ZNF774: variants seen among roughly 807,000 people sequenced by gnomAD.
ZNF774 encodes the protein zinc finger protein 774.
In ZNF774, 14 loss-of-function variants were observed where a neutral mutation model predicts 11.1. The observed-to-expected ratio is 1.26, with a 90% CI of 0.83 to 1.97. The LOEUF is 1.97. Among genes scored for constraint, ZNF774 ranks in the 30% most tolerant of loss-of-function variants. ZNF774 has a pLI of 0.00. For missense variants in ZNF774, 599 were observed against 587.0 expected (o/e 1.02, Z -0.21); for synonymous variants, 195 against 212.6 (o/e 0.92, Z 0.72).
chr15:90,359,945 G>A (rs1964302046), intron 3 of ZNF774, 98 bp from the exon 4 acceptor site: 1 of 1,352,514 alleles, frequency 7.4e-7, no homozygotes, highest in East Asian at 2.3e-5. Flanking sequence ...AGTGCAGTCT[G>A]CTGCAGAAAC....
Position 90,361,138 on chromosome 15 carries a change from G to A in ZNF774, c.1307G>A (p.Cys436Tyr). ...LGDRPYRCPECGKTFNQRSHF... is the reference protein window; with the variant it reads ...LGDRPYRCPEYGKTFNQRSHF... ...GACAGGCCCTATCGATGTCCTGAGT[G>A]TGGCAAGACCTTCAATCAGCGTTCC... Residue 436 changes from cysteine (C) to tyrosine (Y), a missense_variant, in exon 4 of 4, where the codon TGT becomes TAT. Transcript: ENST00000354377. 1 of 1,611,084 alleles carries A rather than the reference G, an allele frequency of 6.2e-7. No homozygotes were observed. The highest frequency in any genetic ancestry group is 1.1e-5 in the South Asian group (1 of 91,080).
rs368002655 is a variant in ZNF774, at chr15:90,360,363, C to A, written c.532C>A (p.Pro178Thr). Residue 178 changes from proline (P) to threonine (T), a missense_variant, in exon 4 of 4, where the codon CCC (proline) becomes ACC (threonine). Pro to Thr is a conservative substitution (Grantham distance 38). Transcript: ENST00000354377. Reference sequence around the variant, plus strand: ...CCTAAGAACCCACACTGGCGAGAGGCCCTATACGTGCATTGAGTGTGGGAA... The same window carrying A: ...CCTAAGAACCCACACTGGCGAGAGGACCTATACGTGCATTGAGTGTGGGAA... ...RHLRTHTGER[P>T]YTCIECGKGF... 41 of 1,614,032 alleles carry A rather than the reference C, an allele frequency of 2.5e-5. No individual in the cohort carries two copies. The highest frequency in any genetic ancestry group is 3.2e-5 in the Non-Finnish European group (38 of 1,180,038).
At chr15:90,353,877 G>A (rs7177486) in intron 1 of ZNF774, among the ~76,000 whole-genome samples, 23,517 of 152,022 alleles carry the variant, frequency 0.15, 2,132 homozygotes, top group South Asian at 0.24. Context: ...CCTATGCCTG[G>A]CAACATATTA....
At position 90,360,257 on chromosome 15, in the gene ZNF774, C is replaced by G; in HGVS notation, c.426C>G (p.Leu142=). The G allele has an allele frequency of 6.2e-7, 1 of 1,614,184 alleles. No homozygotes were observed. The highest frequency in any genetic ancestry group is 8.5e-7 in the Non-Finnish European group (1 of 1,180,028). Residue 142 remains leucine, a synonymous_variant, in exon 4 of 4, where the codon CTC becomes CTG. Coordinates refer to ENST00000354377, the MANE Select transcript of ZNF774 (RefSeq NM_001004309.3). The part of the protein sequence containing the change: ...SFSQERDLNK[L]LDGYVGEKPM... ...CACAGGAGAGGGATTTAAACAAGCT[C>G]CTGGATGGATATGTAGGAGAGAAGC...
At chr15:90,359,746 C>T (rs937346869) in intron 3 of ZNF774, among the ~76,000 whole-genome samples, 4 of 152,232 alleles carry the variant, frequency 2.6e-5, no homozygotes, top group Admixed American at 6.5e-5. Context: ...TGAGCCACCA[C>T]GCCTGGCCTA....
rs1222209403 is a variant in ZNF774 at position 90,359,294 on chromosome 15, G to C, written c.211+337G>C. ...TCACCTTGTTAGCCAGGATGGTCTCGATCTCCTGACCTCATGATCCACCCG... is the reference window on the plus strand; with the variant it reads ...TCACCTTGTTAGCCAGGATGGTCTCCATCTCCTGACCTCATGATCCACCCG... On this transcript the variant is annotated intron_variant, in intron 3 of 3. Coordinates refer to ENST00000354377, the MANE Select transcript of ZNF774 (RefSeq NM_001004309.3). Among the ~76,000 whole-genome samples, 7 of 150,254 alleles carry C rather than the reference G, an allele frequency of 4.7e-5. No individual in the cohort carries two copies. The East Asian group carries it at 1.2e-3, about 26-fold the overall frequency.
chr15:90,358,302 G>A (rs775069254), intron 2 of ZNF774, among the ~76,000 whole-genome samples: 2 of 152,166 alleles, frequency 1.3e-5, no homozygotes, highest in Non-Finnish European at 2.9e-5. Flanking sequence ...TGTGACTCTT[G>A]AGTTTGCACT....
At chr15:90,352,638 G>A (rs922400101) in intron 1 of ZNF774, among the ~76,000 whole-genome samples, 2 of 152,072 alleles carry the variant, frequency 1.3e-5, no homozygotes, top group Non-Finnish European at 2.9e-5. Context: ...TGGTCCCAGG[G>A]TTTCAGCTGA....
Position 90,361,348 on chromosome 15 carries a change from C to G in ZNF774, c.*65C>G. The stretch of plus-strand genomic sequence containing the variant: ...TCATTGCTACTGTCTTCAAGCACCC[C>G]AAATAGAGAAAACCTGGGCGTCAGT... On this transcript the variant is annotated 3_prime_UTR_variant, in exon 4 of 4. Coordinates refer to ENST00000354377, the MANE Select transcript of ZNF774 (RefSeq NM_001004309.3). The G allele has an allele frequency of 6.6e-7, 1 of 1,512,896 alleles. No homozygotes were observed. Among genetic ancestry groups the G allele is most frequent in the Non-Finnish European group, 8.8e-7 (1 of 1,138,150 alleles). The allele number at this position is 1,512,896 out of a possible 1,614,324, so 93.7% of individuals were successfully genotyped here.
In ZNF774 at chr15:90,360,065, G is replaced by A. The variant is rs1343937542; in HGVS notation, c.234G>A (p.Lys78=). 1 of 1,608,282 alleles carries A rather than the reference G, an allele frequency of 6.2e-7. No individual in the cohort carries two copies. Residue 78 remains lysine, a synonymous_variant, in exon 4 of 4, where the codon AAG becomes AAA. Transcript: ENST00000354377. The part of the protein sequence containing the change: ...SHTDCEHQVA[K]LNQDNSETAE... ...CAGACTGTGAGCATCAGGTGGCAAA[G>A]CTCAATCAGGACAATTCTGAAACAG...
At chr15:90,355,847 G>T (rs908491102) in intron 2 of ZNF774, among the ~76,000 whole-genome samples, 2 of 150,830 alleles carry the variant, frequency 1.3e-5, no homozygotes, top group Non-Finnish European at 2.9e-5. Flanking sequence ...TGGCTAACAT[G>T]GTGAAACCCC....
intron 1 of ZNF774, among the ~76,000 whole-genome samples, 200 bp from the exon 2 acceptor site, chr15:90,354,442 T>C (rs1054672275): frequency 1.3e-5 from 2 of 152,164 alleles, no homozygotes; most frequent in Non-Finnish European, 2.9e-5. Context: ...CTCTTAGTAA[T>C]GGGAAAGTTG....
chr15:90,354,561 C>A, intron 1 of ZNF774, 81 bp from the exon 2 acceptor site: 2 of 877,256 alleles, frequency 2.3e-6, no homozygotes, highest in South Asian at 3.1e-5. Context: ...TTTGTGTACA[C>A]TGGTGGCCAT....
chr15:90,355,497 G>A (rs958345370), intron 2 of ZNF774: 5 of 454,186 alleles, frequency 1.1e-5, no homozygotes, highest in African/African-American at 8.0e-5. Context: ...GGCTGAGGTG[G>A]GCGGATCATA....
rs1964322576 is a variant in ZNF774 at position 90,360,836 on chromosome 15, A to G, written c.1005A>G (p.Val335=). 6.2e-7 allele frequency: 1 copy of G among 1,614,022 alleles called. No individual in the cohort carries two copies. The highest frequency in any genetic ancestry group is 8.5e-7 in the Non-Finnish European group (1 of 1,180,036). ...GKGFRDSSHF[V]AHMSTHSGER... ...GCTTCAGAGATAGTTCTCATTTTGT[A>G]GCTCACATGAGCACTCATTCAGGAG... Residue 335 remains valine (V), a synonymous_variant, in exon 4 of 4, where the codon GTA becomes GTG. Coordinates refer to ENST00000354377, the MANE Select transcript of ZNF774 (RefSeq NM_001004309.3).
At chr15:90,354,858 G>C (rs954112909) in intron 2 of ZNF774, 94 bp downstream of exon 2, 9 of 1,023,102 alleles carry the variant, frequency 8.8e-6, no homozygotes, top group Middle Eastern at 2.7e-4. Flanking sequence ...GCAGTGGCGC[G>C]ATCTCGATTC....
At position 90,362,748 on chromosome 15, in the gene ZNF774, TACACACACACACACACACACAC is replaced by T. The variant is rs59687959; in HGVS notation, c.*1482_*1503del. On this transcript the variant is annotated 3_prime_UTR_variant, in exon 4 of 4. Coordinates refer to ENST00000354377, the MANE Select transcript of ZNF774 (RefSeq NM_001004309.3). The stretch of plus-strand genomic sequence containing the variant: ...CAAGGTTGTTGTGAGGATCTAAAAA[TACACACACACACACACACACAC>T]ACACACACACACACACTTTGTTGGT... 14 of 489,522 alleles carry T rather than the reference TACACACACACACACACACACAC, an allele frequency of 2.9e-5. No individual in the cohort carries two copies. The South Asian group carries it at 4.0e-4, about 14-fold the overall frequency. The allele number at this position is 489,522 out of a possible 1,614,324, so 30.3% of individuals were successfully genotyped here.
intron 2 of ZNF774, among the ~76,000 whole-genome samples, chr15:90,356,123 C>CTTT (rs576797131): frequency 1.3e-4 from 18 of 137,324 alleles, no homozygotes; most frequent in East Asian, 4.3e-4. Flanking sequence ...TTCTTTCTTT[C>CTTT]TTTTTTTTTT....
chr15:90,362,817 T>G lies in ZNF774; in HGVS notation c.*1534T>G. The G allele has an allele frequency of 2.3e-6, 1 of 439,690 alleles. No homozygotes were observed. The highest frequency in any genetic ancestry group is 4.1e-6 in the Non-Finnish European group (1 of 246,650). 27.2% of individuals were successfully genotyped at this position (439,690 alleles called of 1,614,324 possible). ...TGGTTAACTATAAATGTAATATCTC[T>G]ATGTTATAATTCTGTTGCTAATGTC... On this transcript the variant is annotated 3_prime_UTR_variant, in exon 4 of 4. Transcript: ENST00000354377.
Sources: gnomAD v4.1 joint callset for allele counts (sites outside exome capture counted in the v4.1 genomes callset) on GRCh38, gnomAD v4.1.1 for gene constraint, MANE v1.5 for transcripts, NCBI Gene and HGNC (gene_info 2026-07-23, HGNC 2026-07-21) for gene names.